XIAP: variants seen among roughly 807,000 people sequenced by gnomAD.
The protein encoded by XIAP is X-linked inhibitor of apoptosis, also known as E3 ubiquitin-protein ligase XIAP.
In XIAP, 3 loss-of-function variants were observed where a neutral mutation model predicts 33.1. The ratio of observed to expected loss-of-function variants is 0.09; its 90% CI spans 0.04 to 0.23. The LOEUF is 0.23. Ranked by LOEUF, XIAP falls within the 10% of genes least tolerant of loss-of-function variation. XIAP has a pLI of 1.00. For synonymous variants in XIAP, 98 were observed against 121.3 expected (o/e 0.81, Z 1.26); for missense variants, 264 against 363.0 (o/e 0.73, Z 2.22).
rs1032239431 is a variant in XIAP at position 123,913,306 on chromosome X, T to C, written c.*6125T>C. On this transcript the variant is annotated 3_prime_UTR_variant, in exon 7 of 7. Transcript: ENST00000371199. ...GGCCAACATGCTGAAACCCTGTCTGTACAAAAATACAAAAATAGCTGGGCA... is the reference window on the plus strand; with the variant it reads ...GGCCAACATGCTGAAACCCTGTCTGCACAAAAATACAAAAATAGCTGGGCA... 1 of 327,167 alleles carries C rather than the reference T, an allele frequency of 3.1e-6. No homozygotes were observed. The highest frequency in any genetic ancestry group is 3.1e-5 in the Admixed American group (1 of 31,946). The allele number at this position is 327,167 out of a possible 1,213,427, so 27.0% of individuals were successfully genotyped here.
intron 3 of XIAP, among the ~76,000 whole-genome samples, chrX:123,889,997 A>ATTTTTTTTTTTTT (rs771503633): frequency 6.1e-5 from 2 of 33,048 alleles, no homozygotes; most frequent in Admixed American, 5.2e-4. Context: ...AGTTGTTCAC[A>ATTTTTTTTTTTTT]TTTTTTTTTT....
In XIAP at chrX:123,885,615, A is replaced by G. The variant is rs1260523863; in HGVS notation, c.-32-16A>G. The G allele has an allele frequency of 1.7e-6, 2 of 1,183,392 alleles. No homozygotes were observed. Among genetic ancestry groups the G allele is most frequent in the African/African-American group, 3.5e-5 (2 of 56,610 alleles). ...TTTCACATTTTGGATTTCCTAATAT[A>G]ATGTTCTCTTTTTAGAAAAGGTGGA... On this transcript the variant is annotated splice_polypyrimidine_tract_variant and intron_variant, in intron 1 of 6. Transcript: ENST00000371199.
intron 1 of XIAP, among the ~76,000 whole-genome samples, chrX:123,868,600 C>T (rs188699597): frequency 1.8e-5 from 2 of 110,578 alleles, no homozygotes; most frequent in South Asian, 3.8e-4. Context: ...CATGGTTGTG[C>T]GTGCACCTGT....
At chrX:123,895,137 A>G (rs1417759122) in intron 5 of XIAP, among the ~76,000 whole-genome samples, 1 of 111,297 alleles carries the variant, frequency 9.0e-6, no homozygotes, top group African/African-American at 3.3e-5. Flanking sequence ...GTCATTCTCC[A>G]TTGCCCACCC....
rs777303823 is a variant in XIAP, at chrX:123,886,506, G to C, written c.844G>C (p.Glu282Gln). The C allele has an allele frequency of 8.3e-7, 1 of 1,204,875 alleles. No individual in the cohort carries two copies. The highest frequency in any genetic ancestry group is 3.0e-5 in the East Asian group (1 of 33,860). The change falls in exon 2 of 7, where the codon GAG (glutamate) becomes CAG (glutamine). Residue 282 changes from glutamate to glutamine, a missense_variant. Transcript: ENST00000371199. Reference protein sequence around the residue: ...FGTWIYSVNKEQLARAGFYAL... With the variant: ...FGTWIYSVNKQQLARAGFYAL... ...GACATGGATATACTCAGTTAACAAG[G>C]AGCAGCTTGCAAGAGCTGGATTTTA...
intron 1 of XIAP, among the ~76,000 whole-genome samples, chrX:123,866,439 G>C (rs2053135583): frequency 1.0e-5 from 1 of 98,349 alleles, no homozygotes; most frequent in African/African-American, 3.8e-5. Context: ...TATTATACAT[G>C]ATATATAATA....
chrX:123,894,153 C>T (rs911799140), intron 5 of XIAP, among the ~76,000 whole-genome samples: 4 of 112,284 alleles, frequency 3.6e-5, no homozygotes, highest in Non-Finnish European at 7.5e-5. Context: ...GTTTGTTTAC[C>T]TCCTGTTACC....
chrX:123,866,476 A>C (rs1196691322), intron 1 of XIAP, among the ~76,000 whole-genome samples: 1 of 87,476 alleles, frequency 1.1e-5, no homozygotes, highest in Non-Finnish European at 2.2e-5. Context: ...TATTATATAC[A>C]ATATATTATA....
At chrX:123,875,048 G>A (rs2053231832) in intron 1 of XIAP, among the ~76,000 whole-genome samples, 1 of 93,664 alleles carries the variant, frequency 1.1e-5, no homozygotes, top group Non-Finnish European at 2.1e-5. Context: ...TTGAGATGGA[G>A]TTTCCCTCTT....
intron 1 of XIAP, among the ~76,000 whole-genome samples, chrX:123,862,711 C>T (rs1011232030): frequency 1.6e-4 from 17 of 108,438 alleles, no homozygotes; most frequent in South Asian, 4.2e-4. Flanking sequence ...AAAAACTAGC[C>T]GGGTGTGGTG....
rs1418871709 is a variant in XIAP at position 123,886,281 on chromosome X, C to T, written c.619C>T (p.Leu207=). 1.7e-6 allele frequency: 2 copies of T among 1,212,042 alleles called. No homozygotes were observed. The highest frequency in any genetic ancestry group is 2.2e-6 in the Non-Finnish European group (2 of 895,618). ...GCAGTGCTTTTGTTGTGGTGGAAAA[C>T]TGAAAAATTGGGAACCTTGTGATCG... The part of the protein sequence containing the change: ...QVQCFCCGGK[L]KNWEPCDRAW... Residue 207 remains leucine (L), a synonymous_variant, in exon 2 of 7, where the codon CTG becomes TTG. Coordinates refer to ENST00000371199, the MANE Select transcript of XIAP (RefSeq NM_001167.4).
At position 123,874,058 on chromosome X, in the gene XIAP, T is replaced by C. The variant is rs566535705; in HGVS notation, c.-32-11573T>C. 3 of 111,074 alleles carry C rather than the reference T, an allele frequency of 2.7e-5. No homozygotes were observed. In the South Asian group the frequency reaches 1.1e-3, roughly 41 times the overall value. The allele number at this position is 111,074 out of a possible 1,213,427, so 9.2% of individuals were successfully genotyped here. A position where few individuals can be genotyped will look rare whatever the true frequency, so the allele number is the denominator to read the frequency against. ...AACATATCCTTCCCTTTCTAAGTCA[T>C]AAAAATTACTTCCTGTGAATGAAAA... On this transcript the variant is annotated intron_variant, in intron 1 of 6. Transcript: ENST00000371199.
intron 1 of XIAP, among the ~76,000 whole-genome samples, chrX:123,880,939 T>C (rs2053298549): frequency 9.0e-6 from 1 of 110,547 alleles, no homozygotes; most frequent in Non-Finnish European, 1.9e-5. Flanking sequence ...TACATACATG[T>C]ATACTGTAAA....
intron 1 of XIAP, among the ~76,000 whole-genome samples, chrX:123,866,607 A>G (rs1161603780): frequency 3.9e-5 from 4 of 103,145 alleles, no homozygotes; most frequent in Admixed American, 1.1e-4. Flanking sequence ...TATATTATAT[A>G]TAATATATAA....
In XIAP at chrX:123,888,572, T is replaced by G. The variant is rs374696064; in HGVS notation, c.878-47T>G. 843 of 1,106,412 alleles carry G rather than the reference T, an allele frequency of 7.6e-4. 1 individual carries two copies. Among genetic ancestry groups the G allele is most frequent in the Non-Finnish European group, 9.8e-4 (785 of 801,717 alleles). The allele number at this position is 1,106,412 out of a possible 1,213,427, so 91.2% of individuals were successfully genotyped here. ...TAGGTGTTAAATGAATATTTTTGTGTAAGCTTCTAATTGCACAAATACATA... is the reference window on the plus strand; with the variant it reads ...TAGGTGTTAAATGAATATTTTTGTGGAAGCTTCTAATTGCACAAATACATA... On this transcript the variant is annotated intron_variant, in intron 2 of 6. Coordinates refer to ENST00000371199, the MANE Select transcript of XIAP (RefSeq NM_001167.4).
rs1485638997 is a variant in XIAP, at chrX:123,908,601, C to T, written c.*1420C>T. On this transcript the variant is annotated 3_prime_UTR_variant, in exon 7 of 7. Transcript: ENST00000371199. ...TAGGATGATTAAGATGTATATAGGA[C>T]AAAATGTTAAGTCTTTCCTCTACCT... The T allele has an allele frequency of 5.6e-6, 2 of 359,731 alleles. No homozygotes were observed. Among genetic ancestry groups the T allele is most frequent in the Non-Finnish European group, 1.1e-5 (2 of 189,471 alleles). 29.6% of individuals were successfully genotyped at this position (359,731 alleles called of 1,213,427 possible).
rs745459559 is a variant in XIAP, at chrX:123,909,530, T to C, written c.*2349T>C. The C allele has an allele frequency of 6.1e-6, 2 of 327,353 alleles. No homozygotes were observed. Among genetic ancestry groups the C allele is most frequent in the Non-Finnish European group, 1.2e-5 (2 of 169,567 alleles). The allele number at this position is 327,353 out of a possible 1,213,427, so 27.0% of individuals were successfully genotyped here. The stretch of plus-strand genomic sequence containing the variant: ...CTACAAGGGGAGAAAAGTGTTAAAA[T>C]TTTTAAAATATGTTTTCCAGGACAC... On this transcript the variant is annotated 3_prime_UTR_variant, in exon 7 of 7. Transcript: ENST00000371199.
At chrX:123,871,712 A>G (rs1177994889) in intron 1 of XIAP, among the ~76,000 whole-genome samples, 2 of 108,497 alleles carry the variant, frequency 1.8e-5, no homozygotes, top group African/African-American at 3.4e-5. Flanking sequence ...TCCCAAGTGG[A>G]TTAGTTTCTT....
At position 123,908,460 on chromosome X, in the gene XIAP, T is replaced by G. The variant is rs1569480014; in HGVS notation, c.*1279T>G. The G allele has an allele frequency of 2.7e-6, 1 of 375,364 alleles. No homozygotes were observed. The highest frequency in any genetic ancestry group is 5.0e-6 in the Non-Finnish European group (1 of 198,088). 30.9% of individuals were successfully genotyped at this position (375,364 alleles called of 1,213,427 possible). A position where few individuals can be genotyped will look rare whatever the true frequency, so the allele number is the denominator to read the frequency against. ...TCAGTATTTTAAACATCTGTCAGCT[T>G]ATGTAGGTAAAAGTAGAAGCATGTT... On this transcript the variant is annotated 3_prime_UTR_variant, in exon 7 of 7. Coordinates refer to ENST00000371199, the MANE Select transcript of XIAP (RefSeq NM_001167.4).
Sources: allele counts gnomAD v4.1 joint callset (sites outside exome capture counted in the v4.1 genomes callset), GRCh38; gene constraint gnomAD v4.1.1; transcripts MANE v1.5; gene names NCBI Gene and HGNC (gene_info 2026-07-23, HGNC 2026-07-21).